STON1: variants seen among roughly 807,000 people sequenced by gnomAD.
STON1 encodes the protein stonin 1, also known as stonin-1.
STON1 carries 79 observed loss-of-function variants against 60.9 expected under a neutral mutation model. The observed-to-expected ratio is 1.30, with a 90% CI of 1.08 to 1.56. The LOEUF is 1.56. Ranked by LOEUF, STON1 falls within the 40% of genes most tolerant of loss-of-function variation. The pLI is 0.00. For missense variants in STON1, 1,166 were observed against 858.9 expected (o/e 1.36, Z -4.47); for synonymous variants, 363 against 306.9 (o/e 1.18, Z -1.91).
intron 1 of STON1, among the ~76,000 whole-genome samples, chr2:48,543,863 G>A (rs1671756725): frequency 1.3e-5 from 2 of 152,148 alleles, no homozygotes; most frequent in South Asian, 2.1e-4. Context: ...AGACCCCAGA[G>A]AGACTATGTA....
intron 1 of STON1, among the ~76,000 whole-genome samples, chr2:48,554,324 C>T (rs1672221091): frequency 6.6e-6 from 1 of 152,166 alleles, no homozygotes. Flanking sequence ...CTGGTTCAAG[C>T]AGTTCTCCTG....
intron 2 of STON1, among the ~76,000 whole-genome samples, chr2:48,584,290 T>C (rs962218340): frequency 6.6e-6 from 1 of 152,142 alleles, no homozygotes. Flanking sequence ...TATTATTATT[T>C]TGAGATGGAG....
intron 2 of STON1, among the ~76,000 whole-genome samples, chr2:48,590,660 C>CACACACACACACACACACACAT (rs1674461015): frequency 6.6e-6 from 1 of 151,808 alleles, no homozygotes; most frequent in Non-Finnish European, 1.5e-5. Context: ...CACACACACA[C>CACACACACACACACACACACAT]TATATGACCC....
chr2:48,586,200 T>C (rs1674197970), intron 2 of STON1, among the ~76,000 whole-genome samples: 1 of 152,246 alleles, frequency 6.6e-6, no homozygotes, highest in Non-Finnish European at 1.5e-5. Flanking sequence ...TTTATAATAC[T>C]GCATTTTTTT....
Position 48,580,993 on chromosome 2 carries a change from A to G in STON1, c.360A>G (p.Glu120=), listed in dbSNP as rs201719363. 327 of 1,574,364 alleles carry G rather than the reference A, an allele frequency of 2.1e-4. No homozygotes were observed. The East Asian group carries it at 3.7e-3, about 18-fold the overall frequency. The change falls in exon 2 of 4, where the codon GAA becomes GAG. Residue 120 remains glutamate, a synonymous_variant. Coordinates refer to ENST00000404752, the MANE Select transcript of STON1 (RefSeq NM_006873.4). ...GCCCACTCGCAATATCAGGAGGAGA[A>G]TCTTCCTTACTGCCTACCAGACCAA... is the stretch of plus-strand genomic sequence containing the variant. ...SDSPLAISGG[E]SSLLPTRPTC...
intron 1 of STON1, among the ~76,000 whole-genome samples, chr2:48,578,365 C>G (rs556691796): frequency 1.3e-5 from 2 of 152,192 alleles, no homozygotes; most frequent in Non-Finnish European, 2.9e-5. Flanking sequence ...TAGTCCAGGA[C>G]GGCTTTGAAT....
At chr2:48,560,024 G>A (rs1202524688) in intron 1 of STON1, among the ~76,000 whole-genome samples, 5 of 152,062 alleles carry the variant, frequency 3.3e-5, no homozygotes, top group African/African-American at 1.2e-4. Context: ...TCCTTTCTGG[G>A]CCATTTAGTT....
At chr2:48,546,267 G>A (rs990646943) in intron 1 of STON1, among the ~76,000 whole-genome samples, 5 of 151,974 alleles carry the variant, frequency 3.3e-5, no homozygotes, top group African/African-American at 1.2e-4. Context: ...TGGCTTCTTC[G>A]ACCTCACTTG....
At chr2:48,571,536 T>C (rs753607974) in intron 1 of STON1, among the ~76,000 whole-genome samples, 13 of 152,220 alleles carry the variant, frequency 8.5e-5, no homozygotes, top group Non-Finnish European at 1.5e-4. Context: ...ATTACATAGA[T>C]GCTGCCCCTT....
chr2:48,548,533 C>G (rs1671954420), intron 1 of STON1, among the ~76,000 whole-genome samples: 1 of 150,970 alleles, frequency 6.6e-6, no homozygotes. Flanking sequence ...AGGTCTCCCT[C>G]TGTTGCCCAG....
intron 1 of STON1, among the ~76,000 whole-genome samples, chr2:48,538,913 C>T (rs775315468): frequency 5.3e-5 from 8 of 151,852 alleles, no homozygotes; most frequent in Non-Finnish European, 7.4e-5. Flanking sequence ...CCACTGCTCT[C>T]GGCCTATTTA....
rs140307458 is a variant in STON1, at chr2:48,546,739, T to C, written c.-48+16523T>C. The stretch of plus-strand genomic sequence containing the variant: ...GTTGAATGAATGCATGGAAGAATTA[T>C]TATTTTTAGAGATGGGGTGTCTTGC... On this transcript the variant is annotated intron_variant, in intron 1 of 3. Transcript: ENST00000404752. 4.7e-3 allele frequency among the ~76,000 whole-genome samples: 723 copies of C among 152,346 alleles called. 2 individuals carry two copies. Among genetic ancestry groups the C allele is most frequent in the Non-Finnish European group, 7.7e-3 (521 of 68,038 alleles).
At chr2:48,564,779 C>G (rs904729379) in intron 1 of STON1, among the ~76,000 whole-genome samples, 1 of 132,744 alleles carries the variant, frequency 7.5e-6, no homozygotes, top group Admixed American at 8.5e-5. Context: ...GTCACCTAGG[C>G]TGGAGTGCAG....
In STON1 at chr2:48,580,881, C is replaced by CACCT. The variant is rs1558631993; in HGVS notation, c.252_255dup (p.Lys86TyrfsTer55). On this transcript the variant is annotated frameshift_variant, in exon 2 of 4. Coordinates refer to ENST00000404752, the MANE Select transcript of STON1 (RefSeq NM_006873.4). LOFTEE classifies it high-confidence loss of function. ...CCTCCAAGTAACTCTCCTCTTTCTA[C>CACCT]ACCTACCAAAGACTTCCCAGGTTTT... 6.3e-7 allele frequency: 1 copy of CACCT among 1,587,286 alleles called. No individual in the cohort carries two copies. The highest frequency in any genetic ancestry group is 1.2e-5 in the South Asian group (1 of 84,906).
In STON1 at chr2:48,581,434, C is replaced by A; in HGVS notation, c.801C>A (p.Leu267=). Residue 267 remains leucine (L), a synonymous_variant, in exon 2 of 4, where the codon CTC becomes CTA. Transcript: ENST00000404752. ...CCTCTTCCTTTGTCCCCCACACACT[C>A]TTCAGGAGTCAGCCAAAATCCGGAT... ...ENASSFVPHT[L]FRSQPKSGWS... The A allele has an allele frequency of 6.2e-7, 1 of 1,614,154 alleles. No individual in the cohort carries two copies. Among genetic ancestry groups the A allele is most frequent in the Non-Finnish European group, 8.5e-7 (1 of 1,179,986 alleles).
At chr2:48,576,185 CTTTTTTTTTTT>C (rs34849002) in intron 1 of STON1, among the ~76,000 whole-genome samples, 29 of 63,078 alleles carry the variant, frequency 4.6e-4, no homozygotes, top group African/African-American at 1.6e-3. Flanking sequence ...GTTTTCCTTT[CTTTTTTTTTTT>C]TTTTTTTTTT....
chr2:48,536,118 T>C (rs558668599), intron 1 of STON1, among the ~76,000 whole-genome samples: 1 of 151,702 alleles, frequency 6.6e-6, no homozygotes, highest in South Asian at 2.1e-4. Flanking sequence ...AAAAACCAAA[T>C]TTGTGAGGAT....
intron 1 of STON1, among the ~76,000 whole-genome samples, chr2:48,536,547 TAAAAAAAAAA>T (rs540312014): frequency 1.9e-5 from 2 of 102,904 alleles, no homozygotes; most frequent in East Asian, 4.8e-4. Flanking sequence ...GATGCCATCT[TAAAAAAAAAA>T]AAAAAAAAAA....
chr2:48,560,955 A>G (rs1237411280), intron 1 of STON1, among the ~76,000 whole-genome samples: 1 of 152,046 alleles, frequency 6.6e-6, no homozygotes, highest in African/African-American at 2.4e-5. Context: ...CCATGAGGGA[A>G]CTTTTCTGCC....
Sources: allele counts gnomAD v4.1 joint callset (sites outside exome capture counted in the v4.1 genomes callset), GRCh38; gene constraint gnomAD v4.1.1; transcripts MANE v1.5; gene names NCBI Gene and HGNC (gene_info 2026-07-23, HGNC 2026-07-21).